The following STK32B variants were observed in gnomAD, a reference collection of about 807,000 sequenced individuals.
STK32B encodes the protein serine/threonine-protein kinase 32B.
A neutral mutation model predicts 52.6 loss-of-function variants in STK32B; 43 were observed. That is an observed-to-expected ratio of 0.82 (90% CI 0.64 to 1.05). The LOEUF is 1.05. Among genes scored for constraint, STK32B ranks in the 50% least tolerant of loss-of-function variants. STK32B has a pLI of 0.00. For synonymous variants in STK32B, 238 were observed against 204.3 expected (o/e 1.17, Z -1.41); for missense variants, 621 against 534.6 (o/e 1.16, Z -1.59).
chr4:5,182,350 G>A (rs1161457765), intron 3 of STK32B, among the ~76,000 whole-genome samples: 1 of 152,124 alleles, frequency 6.6e-6, no homozygotes, highest in East Asian at 1.9e-4. Context: ...GTTCTTAATG[G>A]CATCTAGAAT....
chr4:5,019,843 ATGGCACGGTT>A, the STK32B span, among the ~76,000 whole-genome samples: 1 of 152,080 alleles, frequency 6.6e-6, no homozygotes, highest in Non-Finnish European at 1.5e-5. Flanking sequence ...CTGGGTTTGG[ATGGCACGGTT>A]TGTCAAAATG....
chr4:5,042,755 CA>C, the STK32B span, among the ~76,000 whole-genome samples: 1 of 152,194 alleles, frequency 6.6e-6, no homozygotes, highest in Non-Finnish European at 1.5e-5. Flanking sequence ...AGGTTAAATG[CA>C]TGATCCCGTC....
chr4:5,077,621 G>A lies in STK32B; in HGVS notation c.52+25706G>A, dbSNP rs528902526. Among the ~76,000 whole-genome samples the A allele has an allele frequency of 2.0e-4, 30 of 152,214 alleles. 1 individual carries two copies. In the South Asian group the frequency reaches 6.0e-3, roughly 31 times the overall value. ...TCTTCTCTTCTCCCTTGCAGCCAAGGTTAGATGCTCAAAATACCTCTTACC... is the reference window on the plus strand; with the variant it reads ...TCTTCTCTTCTCCCTTGCAGCCAAGATTAGATGCTCAAAATACCTCTTACC... On this transcript the variant is annotated intron_variant, in intron 1 of 11. Coordinates refer to ENST00000282908, the MANE Select transcript of STK32B (RefSeq NM_018401.3).
chr4:5,020,465 C>T, the STK32B span, among the ~76,000 whole-genome samples: 1 of 152,214 alleles, frequency 6.6e-6, no homozygotes, highest in African/African-American at 2.4e-5. Flanking sequence ...AGCACTGTCT[C>T]TGTTAAATCC....
the STK32B span, among the ~76,000 whole-genome samples, chr4:5,025,419 T>G: frequency 6.6e-6 from 1 of 152,140 alleles, no homozygotes; most frequent in African/African-American, 2.4e-5. Context: ...TAACTCTCAT[T>G]TTTGGCTCTT....
At chr4:5,237,691 C>T (rs1724724095) in intron 3 of STK32B, among the ~76,000 whole-genome samples, 1 of 152,158 alleles carries the variant, frequency 6.6e-6, no homozygotes, top group South Asian at 2.1e-4. Context: ...CACAGAGATG[C>T]ATATAGCCAG....
At chr4:5,317,539 G>GTGTA (rs1553871940) in intron 3 of STK32B, among the ~76,000 whole-genome samples, 9 of 92,126 alleles carry the variant, frequency 9.8e-5, no homozygotes, top group Admixed American at 9.3e-4. Context: ...TATATTACAT[G>GTGTA]TATATATATA....
At chr4:5,205,705 TGTG>T (rs1722523127) in intron 3 of STK32B, among the ~76,000 whole-genome samples, 1 of 95,542 alleles carries the variant, frequency 1.0e-5, no homozygotes, top group African/African-American at 3.5e-5. Context: ...CGCGCGCGCG[TGTG>T]TGTGTGTGTG....
intron 4 of STK32B, among the ~76,000 whole-genome samples, chr4:5,347,010 A>G (rs1229743876): frequency 1.3e-5 from 2 of 152,176 alleles, no homozygotes; most frequent in Non-Finnish European, 2.9e-5. Context: ...CTATCATGAG[A>G]ACAGCATGAG....
chr4:5,102,541 C>A (rs1195427535), intron 1 of STK32B, among the ~76,000 whole-genome samples: 1 of 125,254 alleles, frequency 8.0e-6, no homozygotes, highest in Non-Finnish European at 1.6e-5. Context: ...TACTTTCTTT[C>A]TTTCTTTTTG....
chr4:5,320,463 C>G (rs577376919), intron 3 of STK32B, among the ~76,000 whole-genome samples: 10 of 152,254 alleles, frequency 6.6e-5, no homozygotes, highest in African/African-American at 2.2e-4. Flanking sequence ...CTGTGTGTAT[C>G]TATCAGTACT....
chr4:5,461,489 C>T (rs933045346), intron 9 of STK32B, among the ~76,000 whole-genome samples: 1 of 152,288 alleles, frequency 6.6e-6, no homozygotes, highest in East Asian at 1.9e-4. Context: ...TTTCACAAAC[C>T]GTGGTAGCAG....
chr4:5,411,738 A>G (rs573326445), intron 5 of STK32B, among the ~76,000 whole-genome samples: 1 of 152,306 alleles, frequency 6.6e-6, no homozygotes, highest in East Asian at 1.9e-4. Flanking sequence ...ATACATTTGA[A>G]CCATAGGAGC....
rs551714521 is a variant in STK32B at position 5,469,906 on chromosome 4, C to G, written c.1106+1836C>G. On this transcript the variant is annotated intron_variant, in intron 11 of 11. Transcript: ENST00000282908. The surrounding 1 kb of genome is among the most constrained non-coding windows in gnomAD (Gnocchi z 4.7). ...TGGCCCTTCCCCCAGACTTAGAAAC[C>G]CAGACCCAGGAACTTCTGCTCAAAG... 2.0e-5 allele frequency among the ~76,000 whole-genome samples: 3 copies of G among 152,280 alleles called. No homozygotes were observed. Among genetic ancestry groups the G allele is most frequent in the Admixed American group, 1.3e-4 (2 of 15,302 alleles).
intron 1 of STK32B, among the ~76,000 whole-genome samples, chr4:5,084,632 T>G (rs1712618036): frequency 6.6e-6 from 1 of 152,202 alleles, no homozygotes; most frequent in Non-Finnish European, 1.5e-5. Flanking sequence ...TTGTATTTCT[T>G]TAAATATTTT....
chr4:5,033,926 C>T, the STK32B span, among the ~76,000 whole-genome samples: 3 of 152,264 alleles, frequency 2.0e-5, no homozygotes, highest in African/African-American at 4.8e-5. Flanking sequence ...AAACTCACAA[C>T]GGCTGTGTAC....
intron 4 of STK32B, among the ~76,000 whole-genome samples, chr4:5,369,319 G>A (rs1254011088): frequency 2.0e-5 from 3 of 151,864 alleles, no homozygotes; most frequent in Admixed American, 6.6e-5. Flanking sequence ...TTTACCTCTA[G>A]ATTTCTACAT....
chr4:5,317,324 T>TAAC, intron 3 of STK32B, among the ~76,000 whole-genome samples: 1 of 64,922 alleles, frequency 1.5e-5, no homozygotes, highest in African/African-American at 1.0e-4. Flanking sequence ...ATGTATAATA[T>TAAC]ATATTACATA....
At chr4:5,369,481 A>G (rs148564287) in intron 4 of STK32B, among the ~76,000 whole-genome samples, 1 of 152,214 alleles carries the variant, frequency 6.6e-6, no homozygotes, top group African/African-American at 2.4e-5. Flanking sequence ...CCAAGAAACC[A>G]TGCAGCCAGG....
Sources: allele counts gnomAD v4.1 joint callset (sites outside exome capture counted in the v4.1 genomes callset), GRCh38; gene constraint gnomAD v4.1.1; non-coding constraint Gnocchi (gnomAD v3.1); transcripts MANE v1.5; gene names NCBI Gene and HGNC (gene_info 2026-07-23, HGNC 2026-07-21).